The following UBE2K variants were observed in gnomAD, a reference collection of about 807,000 sequenced individuals.
UBE2K encodes the protein ubiquitin conjugating enzyme E2 K.
In UBE2K, 6 loss-of-function variants were observed where a neutral mutation model predicts 30.0. That is an observed-to-expected ratio of 0.20 (90% CI 0.11 to 0.39). The LOEUF is 0.39. Ranked by LOEUF, UBE2K falls within the 10% of genes least tolerant of loss-of-function variation. The pLI is 1.00. For missense variants in UBE2K, 61 were observed against 241.6 expected (o/e 0.25, Z 4.96); for synonymous variants, 86 against 83.7 (o/e 1.03, Z -0.15).
chr4:39,707,523 C>T (rs913142171), intron 1 of UBE2K, among the ~76,000 whole-genome samples: 2 of 149,544 alleles, frequency 1.3e-5, no homozygotes, highest in Non-Finnish European at 3.0e-5. Context: ...GAGGGAGGTT[C>T]TTGAGCTAGG....
chr4:39,722,063 CCT>C (rs1158252178), intron 1 of UBE2K, among the ~76,000 whole-genome samples: 1 of 152,028 alleles, frequency 6.6e-6, no homozygotes. Flanking sequence ...TGCAGTCCGG[CCT>C]AGGTGACAGA....
chr4:39,744,925 T>A (rs1448875008), intron 2 of UBE2K, among the ~76,000 whole-genome samples: 4 of 148,302 alleles, frequency 2.7e-5, no homozygotes, highest in African/African-American at 9.9e-5. Context: ...AAAAAATAAA[T>A]TAAATAAAAT....
At chr4:39,749,864 A>G (rs1721165904) in intron 3 of UBE2K, among the ~76,000 whole-genome samples, 1 of 152,216 alleles carries the variant, frequency 6.6e-6, no homozygotes, top group Non-Finnish European at 1.5e-5. Context: ...AGCTGGCTTA[A>G]TAATATAATA....
intron 4 of UBE2K, among the ~76,000 whole-genome samples, chr4:39,774,461 A>C (rs948164491): frequency 2.6e-5 from 4 of 151,536 alleles, no homozygotes; most frequent in Non-Finnish European, 5.9e-5. Flanking sequence ...AAAATACAAA[A>C]AATTAGCTGG....
intron 4 of UBE2K, among the ~76,000 whole-genome samples, chr4:39,774,444 A>G (rs1161454032): frequency 1.4e-5 from 2 of 138,678 alleles, no homozygotes; most frequent in Non-Finnish European, 3.2e-5. Flanking sequence ...CGTCTCTACT[A>G]AAAAAAAAAA....
intron 2 of UBE2K, among the ~76,000 whole-genome samples, chr4:39,739,950 C>CT (rs1446996083): frequency 1.4e-4 from 21 of 152,236 alleles, no homozygotes; most frequent in African/African-American, 5.1e-4. Context: ...CGAGCCATTT[C>CT]TAGATATTTA....
chr4:39,724,581 T>C (rs1381720355), intron 1 of UBE2K, among the ~76,000 whole-genome samples: 1 of 53,490 alleles, frequency 1.9e-5, no homozygotes, highest in Non-Finnish European at 3.3e-5. Flanking sequence ...ACCCCGTCTC[T>C]GCAAAAAAAA....
In UBE2K at chr4:39,732,927, C is replaced by T. The variant is rs535770129; in HGVS notation, c.64-4493C>T. 9.1e-4 allele frequency among the ~76,000 whole-genome samples: 138 copies of T among 151,942 alleles called. 1 individual carries two copies. In the South Asian group the frequency reaches 0.027, roughly 30 times the overall value. ...CTTGCCTCAAATGATTCATCTGCCT[C>T]GGCCTCCTAGAGTACTGGAATTACA... On this transcript the variant is annotated intron_variant, in intron 1 of 6. Coordinates refer to ENST00000261427, the MANE Select transcript of UBE2K (RefSeq NM_005339.5).
At chr4:39,778,105 A>T in intron 6 of UBE2K, among the ~76,000 whole-genome samples, 1 of 147,962 alleles carries the variant, frequency 6.8e-6, no homozygotes, top group Admixed American at 6.7e-5. Context: ...CTCAAAAAAA[A>T]AAAAAAAAAA....
intron 3 of UBE2K, among the ~76,000 whole-genome samples, chr4:39,754,188 G>A (rs1721413530): frequency 6.6e-6 from 1 of 152,158 alleles, no homozygotes; most frequent in African/African-American, 2.4e-5. Flanking sequence ...AGGCAGTAAA[G>A]TCAGGAGACT....
intron 1 of UBE2K, among the ~76,000 whole-genome samples, chr4:39,729,008 G>A (rs567926214): frequency 3.6e-5 from 5 of 137,112 alleles, no homozygotes; most frequent in South Asian, 2.3e-4. Context: ...TTACTTTGTC[G>A]CCCAAGCTGG....
At chr4:39,700,245 C>T (rs1270581997) in intron 1 of UBE2K, among the ~76,000 whole-genome samples, 1 of 152,016 alleles carries the variant, frequency 6.6e-6, no homozygotes, top group African/African-American at 2.4e-5. Context: ...GTATTGCTCT[C>T]TAGTAATGCA....
chr4:39,767,297 C>CTTTT (rs1553880105), intron 4 of UBE2K, among the ~76,000 whole-genome samples: 2 of 124,030 alleles, frequency 1.6e-5, no homozygotes, highest in African/African-American at 3.9e-5. Context: ...TTCTTTTTTT[C>CTTTT]TGTTTTTTTT....
intron 1 of UBE2K, among the ~76,000 whole-genome samples, chr4:39,719,844 CA>C (rs1392846414): frequency 5.9e-5 from 9 of 152,290 alleles, no homozygotes; most frequent in South Asian, 4.1e-4. Flanking sequence ...ATTAGACATT[CA>C]GTTATTTCCA....
Position 39,769,936 on chromosome 4 carries a change from C to T in UBE2K, c.300-4898C>T. 3 of 602,904 alleles carry T rather than the reference C, an allele frequency of 5.0e-6. No individual in the cohort carries two copies. In the East Asian group the frequency reaches 8.3e-5, roughly 17 times the overall value. The allele number at this position is 602,904 out of a possible 1,614,324, so 37.3% of individuals were successfully genotyped here. A position where few individuals can be genotyped will look rare whatever the true frequency, so the allele number is the denominator to read the frequency against. ...GTCTTCTCTCCAAGGAATCATCTTCCCTCTCTCAGGATGTGTGCATCTGCT... is the reference window on the plus strand; with the variant it reads ...GTCTTCTCTCCAAGGAATCATCTTCTCTCTCTCAGGATGTGTGCATCTGCT... On this transcript the variant is annotated intron_variant, in intron 4 of 6. Coordinates refer to ENST00000261427, the MANE Select transcript of UBE2K (RefSeq NM_005339.5).
chr4:39,757,000 G>GTTTTTTTTTGT (rs1721551596), intron 4 of UBE2K, among the ~76,000 whole-genome samples: 2 of 94,340 alleles, frequency 2.1e-5, no homozygotes, highest in Admixed American at 1.2e-4. Context: ...TTTTTTGGGT[G>GTTTTTTTTTGT]TTTTTTTTTT....
chr4:39,768,827 C>T (rs980748026), intron 4 of UBE2K, among the ~76,000 whole-genome samples: 60 of 152,152 alleles, frequency 3.9e-4, no homozygotes, highest in African/African-American at 1.4e-3. Flanking sequence ...GCCGTTCTAA[C>T]GAGTGCTAGG....
intron 1 of UBE2K, among the ~76,000 whole-genome samples, chr4:39,720,269 G>A (rs990066806): frequency 5.3e-5 from 8 of 152,124 alleles, no homozygotes; most frequent in African/African-American, 1.9e-4. Flanking sequence ...CTTGAATTAG[G>A]ATGATGGAAT....
intron 4 of UBE2K, among the ~76,000 whole-genome samples, chr4:39,766,533 C>T (rs1712351879): frequency 6.6e-6 from 1 of 151,400 alleles, no homozygotes; most frequent in Non-Finnish European, 1.5e-5. Flanking sequence ...GATATTAAGC[C>T]CTCACCAGAT....
Sources: gnomAD v4.1 joint callset for allele counts (sites outside exome capture counted in the v4.1 genomes callset) on GRCh38, gnomAD v4.1.1 for gene constraint, MANE v1.5 for transcripts, NCBI Gene and HGNC (gene_info 2026-07-23, HGNC 2026-07-21) for gene names.